The following GATAD2B variants were observed in gnomAD, a reference collection of about 807,000 sequenced individuals.
GATAD2B encodes the protein transcriptional repressor p66-beta.
GATAD2B carries 8 observed loss-of-function variants against 64.3 expected under a neutral mutation model. The ratio of observed to expected loss-of-function variants is 0.12; its 90% CI spans 0.07 to 0.22. The LOEUF (loss-of-function observed/expected upper bound fraction) is 0.22, where lower values mean the gene tolerates loss of function less well. Among genes scored for constraint, GATAD2B ranks in the 10% least tolerant of loss-of-function variants. The probability of loss-of-function intolerance (pLI) is 1.00; values close to 1 mark genes in which losing one functional copy is unlikely to be tolerated. For synonymous variants in GATAD2B, 281 were observed against 271.3 expected, an observed-to-expected ratio of 1.04 and a Z score of -0.35; for missense variants, 453 against 752.0, an observed-to-expected ratio of 0.60 and a Z score of 4.65.
intron 2 of GATAD2B, among the ~76,000 whole-genome samples, chr1:153,824,941 C>G (rs533617674): frequency 2.7e-4 from 41 of 152,086 alleles, no homozygotes; most frequent in Non-Finnish European, 4.9e-4. Flanking sequence ...AAACAATTAG[C>G]TGGGTACAGG....
At chr1:153,902,198 T>G (rs941139741) in intron 1 of GATAD2B, among the ~76,000 whole-genome samples, 1 of 152,008 alleles carries the variant, frequency 6.6e-6, no homozygotes, top group Admixed American at 6.6e-5. Context: ...GGAGAATCAC[T>G]TGAACCCAGG....
intron 1 of GATAD2B, among the ~76,000 whole-genome samples, chr1:153,855,562 A>G (rs2101914806): frequency 6.6e-6 from 1 of 152,258 alleles, no homozygotes; most frequent in East Asian, 1.9e-4. Flanking sequence ...AATTACCACA[A>G]ATTTAGTGGC....
intron 1 of GATAD2B, among the ~76,000 whole-genome samples, chr1:153,855,133 T>C (rs1676037031): frequency 6.6e-6 from 1 of 152,230 alleles, no homozygotes; most frequent in Non-Finnish European, 1.5e-5. Context: ...TAGGGAATTA[T>C]TATTAATCTT....
chr1:153,824,261 G>A (rs1674789578), intron 2 of GATAD2B, among the ~76,000 whole-genome samples: 1 of 151,958 alleles, frequency 6.6e-6, no homozygotes, highest in Non-Finnish European at 1.5e-5. Context: ...ATGTACGTCA[G>A]CCTGGGCAAC....
intron 10 of GATAD2B, 89 bp downstream of exon 10, chr1:153,811,641 AG>A (rs1471838296): frequency 7.5e-6 from 6 of 803,340 alleles, no homozygotes; most frequent in African/African-American, 1.7e-5. Flanking sequence ...CAGAAAGTAA[AG>A]GAACAATTCC....
At chr1:153,845,608 GGTA>G (rs1333304881) in intron 1 of GATAD2B, among the ~76,000 whole-genome samples, 1 of 148,966 alleles carries the variant, frequency 6.7e-6, no homozygotes, top group East Asian at 2.0e-4. Flanking sequence ...AGCCAGGTGT[GGTA>G]GTGCACGCCT....
At chr1:153,835,027 C>T (rs936306576) in intron 1 of GATAD2B, among the ~76,000 whole-genome samples, 1 of 151,946 alleles carries the variant, frequency 6.6e-6, no homozygotes, top group African/African-American at 2.4e-5. Context: ...GTGAGGGGAT[C>T]GCATGAGCCC....
chr1:153,845,184 G>C (rs1489436591), intron 1 of GATAD2B, among the ~76,000 whole-genome samples: 11 of 152,070 alleles, frequency 7.2e-5, no homozygotes, highest in Admixed American at 7.2e-4. Flanking sequence ...CAATAGTGTG[G>C]TACTGGCTTA....
intron 1 of GATAD2B, 143 bp downstream of exon 1, chr1:153,922,590 G>A (rs1212654597): frequency 2.7e-5 from 4 of 150,186 alleles, no homozygotes; most frequent in Admixed American, 6.6e-5. Flanking sequence ...CGGCTCGCGG[G>A]CGCTTCCCCT....
chr1:153,908,795 A>G (rs1319697293), intron 1 of GATAD2B, among the ~76,000 whole-genome samples: 2 of 151,026 alleles, frequency 1.3e-5, no homozygotes, highest in Non-Finnish European at 2.9e-5. Flanking sequence ...AAAAAAAAAA[A>G]AAAAAAAGAA....
chr1:153,837,638 A>G (rs916060983), intron 1 of GATAD2B, among the ~76,000 whole-genome samples: 3 of 152,166 alleles, frequency 2.0e-5, no homozygotes, highest in Non-Finnish European at 2.9e-5. Flanking sequence ...CTGATTACGG[A>G]AGGGTACACG....
At chr1:153,913,083 C>A (rs1205588551) in intron 1 of GATAD2B, among the ~76,000 whole-genome samples, 1 of 151,750 alleles carries the variant, frequency 6.6e-6, no homozygotes, top group Non-Finnish European at 1.5e-5. Flanking sequence ...AGTGAGACTC[C>A]GTCTCTAAAA....
chr1:153,828,448 TCACACATACA>T, intron 1 of GATAD2B, 100 bp from the exon 2 acceptor site: 1 of 669,654 alleles, frequency 1.5e-6, no homozygotes. Flanking sequence ...AATCTCTCTC[TCACACATACA>T]CACACACACA....
chr1:153,903,760 G>A (rs1677846708), intron 1 of GATAD2B, among the ~76,000 whole-genome samples: 2 of 152,190 alleles, frequency 1.3e-5, no homozygotes, highest in Admixed American at 6.6e-5. Flanking sequence ...GAGGCGGGCA[G>A]ACAGCTTGAG....
At chr1:153,882,194 T>C (rs1005454527) in intron 1 of GATAD2B, among the ~76,000 whole-genome samples, 9 of 152,212 alleles carry the variant, frequency 5.9e-5, no homozygotes, top group African/African-American at 1.9e-4. Flanking sequence ...GTGCCAAACT[T>C]TGTCTTCATG....
intron 1 of GATAD2B, among the ~76,000 whole-genome samples, chr1:153,864,249 T>C (rs979043339): frequency 6.6e-6 from 1 of 152,162 alleles, no homozygotes; most frequent in African/African-American, 2.4e-5. Flanking sequence ...AGGTATGTAT[T>C]GGGGGCTTGG....
intron 1 of GATAD2B, among the ~76,000 whole-genome samples, chr1:153,857,377 C>T (rs1052159240): frequency 1.3e-5 from 2 of 151,888 alleles, no homozygotes; most frequent in Non-Finnish European, 2.9e-5. Flanking sequence ...ACCCGGGAGG[C>T]GGAGGTTGCA....
intron 1 of GATAD2B, chr1:153,852,375 A>G (rs925650578): frequency 2.4e-6 from 2 of 837,054 alleles, no homozygotes; most frequent in African/African-American, 1.7e-5. Context: ...TCACCCTCAT[A>G]TGCTTGGCCT....
intron 1 of GATAD2B, among the ~76,000 whole-genome samples, chr1:153,872,227 G>A (rs554718745): frequency 1.3e-5 from 2 of 148,430 alleles, no homozygotes; most frequent in African/African-American, 5.0e-5. Context: ...GCTGAGGCAG[G>A]AGAATCACTT....
Sources: gnomAD v4.1 joint callset for allele counts (sites outside exome capture counted in the v4.1 genomes callset) on GRCh38, gnomAD v4.1.1 for gene constraint, MANE v1.5 for transcripts, NCBI Gene and HGNC (gene_info 2026-07-23, HGNC 2026-07-21) for gene names.